FHIT: variants seen among roughly 807,000 people sequenced by gnomAD.
The protein encoded by FHIT is bis(5'-adenosyl)-triphosphatase.
In FHIT, 19 loss-of-function variants were observed where a neutral mutation model predicts 17.9. The ratio of observed to expected loss-of-function variants is 1.06; its 90% confidence interval spans 0.74 to 1.56. The LOEUF (loss-of-function observed/expected upper bound fraction) is 1.56, where lower values mean the gene tolerates loss of function less well. Among genes scored for constraint, FHIT ranks in the 40% most tolerant of loss-of-function variants. FHIT has a pLI of 0.00. For missense variants in FHIT, 248 were observed against 189.2 expected (o/e 1.31, Z -1.82); for synonymous variants, 81 against 69.7 (o/e 1.16, Z -0.81).
At chr3:59,854,973 G>A (rs1017254809) in intron 8 of FHIT, among the ~76,000 whole-genome samples, 1 of 152,182 alleles carries the variant, frequency 6.6e-6, no homozygotes, top group African/African-American at 2.4e-5. Context: ...CTACAGACCT[G>A]ATTACTAAAA....
At chr3:60,952,989 T>C (rs1485433248) in intron 3 of FHIT, among the ~76,000 whole-genome samples, 2 of 152,172 alleles carry the variant, frequency 1.3e-5, no homozygotes, top group Non-Finnish European at 2.9e-5. Flanking sequence ...CATTAATCTA[T>C]CTTATATTCA....
intron 1 of FHIT, among the ~76,000 whole-genome samples, chr3:61,217,277 A>C (rs1282392365): frequency 6.6e-6 from 1 of 152,236 alleles, no homozygotes; most frequent in South Asian, 2.1e-4. Flanking sequence ...TTCCGCTAGC[A>C]GACTTGAAAG....
intron 1 of FHIT, among the ~76,000 whole-genome samples, chr3:61,235,808 T>C (rs1443093853): frequency 2.6e-5 from 4 of 152,186 alleles, no homozygotes; most frequent in Admixed American, 1.3e-4. Flanking sequence ...AGGGAAAATG[T>C]TGGGTTTTTT....
intron 3 of FHIT, among the ~76,000 whole-genome samples, chr3:60,892,723 G>A (rs1353197076): frequency 6.6e-6 from 1 of 152,148 alleles, no homozygotes; most frequent in African/African-American, 2.4e-5. Context: ...ATGCCCTACA[G>A]TAGAGTGAAA....
chr3:60,961,737 G>A (rs954523561), intron 3 of FHIT, among the ~76,000 whole-genome samples: 6 of 152,158 alleles, frequency 3.9e-5, no homozygotes, highest in African/African-American at 1.4e-4. Context: ...TCAGATTGTT[G>A]TCGATGTGTG....
intron 2 of FHIT, among the ~76,000 whole-genome samples, chr3:61,111,121 G>T (rs922985124): frequency 6.6e-6 from 1 of 152,264 alleles, no homozygotes; most frequent in Non-Finnish European, 1.5e-5. Context: ...CTGTCAAAAG[G>T]TTTCCTCATT....
intron 2 of FHIT, among the ~76,000 whole-genome samples, chr3:61,085,107 T>A (rs1232704383): frequency 6.6e-6 from 1 of 152,178 alleles, no homozygotes; most frequent in African/African-American, 2.4e-5. Context: ...ACAAACAACA[T>A]TGCTATAAAT....
chr3:60,905,234 G>A (rs149045841), intron 3 of FHIT, among the ~76,000 whole-genome samples: 2 of 152,054 alleles, frequency 1.3e-5, no homozygotes, highest in African/African-American at 4.8e-5. Context: ...TCCAAAAAAA[G>A]TACATTGAGA....
intron 5 of FHIT, among the ~76,000 whole-genome samples, chr3:60,126,254 C>T (rs1199666580): frequency 1.3e-5 from 2 of 152,200 alleles, no homozygotes; most frequent in African/African-American, 4.8e-5. Flanking sequence ...TAAAACTCCA[C>T]TGCTTACCAT....
chr3:60,216,158 T>C (rs1050907291), intron 5 of FHIT, among the ~76,000 whole-genome samples: 13 of 152,210 alleles, frequency 8.5e-5, no homozygotes, highest in African/African-American at 3.1e-4. Context: ...GAAGCAGTGC[T>C]GGCCAGTTGC....
chr3:59,842,857 G>T (rs1027417299), intron 8 of FHIT, among the ~76,000 whole-genome samples: 1 of 151,954 alleles, frequency 6.6e-6, no homozygotes, highest in African/African-American at 2.4e-5. Context: ...CACTCTGTGG[G>T]TTGCCTTTTT....
At chr3:61,228,682 C>A (rs1475997548) in intron 1 of FHIT, among the ~76,000 whole-genome samples, 16 of 152,144 alleles carry the variant, frequency 1.1e-4, no homozygotes, top group Admixed American at 1.0e-3. Context: ...ATCTAGAGTT[C>A]AACCTGAAAG....
chr3:60,859,919 C>A (rs1703567827), intron 3 of FHIT, among the ~76,000 whole-genome samples: 1 of 149,966 alleles, frequency 6.7e-6, no homozygotes. Context: ...TGGCACGTGC[C>A]TGTAATCCCA....
intron 3 of FHIT, among the ~76,000 whole-genome samples, chr3:60,955,633 T>TATATATATATATATACAC (rs1272864632): frequency 2.5e-3 from 97 of 39,372 alleles, no homozygotes; most frequent in South Asian, 4.3e-3. Flanking sequence ...TATATATATA[T>TATATATATATATATACAC]ACACACACAC....
intron 3 of FHIT, among the ~76,000 whole-genome samples, chr3:60,919,849 C>A (rs911878658): frequency 1.3e-5 from 2 of 152,090 alleles, no homozygotes; most frequent in African/African-American, 4.8e-5. Flanking sequence ...TCCTGGCCAA[C>A]ATGGTGAAAC....
At chr3:60,027,943 TA>T (rs1221470983) in intron 5 of FHIT, among the ~76,000 whole-genome samples, 2 of 152,216 alleles carry the variant, frequency 1.3e-5, no homozygotes, top group Non-Finnish European at 2.9e-5. Context: ...CAACCATATT[TA>T]ATTGCATTTT....
intron 4 of FHIT, among the ~76,000 whole-genome samples, chr3:60,809,170 G>C (rs1868221): frequency 6.6e-6 from 1 of 152,276 alleles, no homozygotes; most frequent in South Asian, 2.1e-4. Context: ...TTAATCACAA[G>C]AGCATAAAAT....
At chr3:61,049,317 T>C (rs2033938592) in intron 2 of FHIT, among the ~76,000 whole-genome samples, 1 of 151,864 alleles carries the variant, frequency 6.6e-6, no homozygotes, top group Non-Finnish European at 1.5e-5. Context: ...CCTGCCTATG[T>C]GAACTGTATA....
intron 5 of FHIT, among the ~76,000 whole-genome samples, chr3:60,323,586 T>C (rs1709530970): frequency 6.6e-6 from 1 of 152,154 alleles, no homozygotes; most frequent in African/African-American, 2.4e-5. Context: ...GAGGAAATCC[T>C]AGGGAGCAGA....
Sources: gnomAD v4.1 joint callset for allele counts (sites outside exome capture counted in the v4.1 genomes callset) on GRCh38, gnomAD v4.1.1 for gene constraint, MANE v1.5 for transcripts, NCBI Gene and HGNC (gene_info 2026-07-23, HGNC 2026-07-21) for gene names.